Variants in COMMD1 observed in about 807,000 individuals in gnomAD.
COMMD1 encodes COMM domain-containing protein 1.
In COMMD1, 10 loss-of-function variants were observed where a neutral mutation model predicts 17.2. The ratio of observed to expected loss-of-function variants is 0.58; its 90% CI spans 0.36 to 0.99. COMMD1 has a LOEUF of 0.99. COMMD1 is among the 50% of genes least tolerant of loss of function. COMMD1 has a pLI of 0.01. For synonymous variants in COMMD1, 97 were observed against 91.6 expected (o/e 1.06, Z -0.34); for missense variants, 270 against 231.8 (o/e 1.17, Z -1.07).
chr2:62,043,608 CCTAA>C (rs1670298181), intron 2 of COMMD1, among the ~76,000 whole-genome samples: 1 of 152,126 alleles, frequency 6.6e-6, no homozygotes, highest in Admixed American at 6.5e-5. Flanking sequence ...TAAGGATTTG[CCTAA>C]CTGATTCTCT....
intron 2 of COMMD1, among the ~76,000 whole-genome samples, chr2:62,032,698 T>C (rs1306597494): frequency 6.6e-6 from 1 of 152,162 alleles, no homozygotes; most frequent in African/African-American, 2.4e-5. Flanking sequence ...TGCTGCTCTT[T>C]TTCTGTTGGT....
At chr2:61,893,631 T>A (rs1669486660) in intron 1 of COMMD1, among the ~76,000 whole-genome samples, 1 of 152,060 alleles carries the variant, frequency 6.6e-6, no homozygotes, top group Non-Finnish European at 1.5e-5. Flanking sequence ...CTGGCCAACG[T>A]GGTGAAACCC....
At chr2:61,988,539 A>G (rs780773151) in intron 1 of COMMD1, among the ~76,000 whole-genome samples, 1 of 152,118 alleles carries the variant, frequency 6.6e-6, no homozygotes, top group Non-Finnish European at 1.5e-5. Context: ...TCCAAGTTGC[A>G]TAACAAAGTC....
chr2:62,038,539 CATTT>C (rs200206799), intron 2 of COMMD1, among the ~76,000 whole-genome samples: 5 of 150,698 alleles, frequency 3.3e-5, no homozygotes, highest in African/African-American at 4.9e-5. Context: ...TATTTTTTAT[CATTT>C]ATTTATTTAT....
intron 2 of COMMD1, among the ~76,000 whole-genome samples, chr2:62,042,657 C>T (rs1006393642): frequency 4.6e-5 from 7 of 152,214 alleles, no homozygotes; most frequent in Non-Finnish European, 7.4e-5. Context: ...CAGCCAGCCC[C>T]GGCGACGGGC....
intron 1 of COMMD1, among the ~76,000 whole-genome samples, chr2:61,983,654 A>G (rs116260303): frequency 1.6e-4 from 24 of 152,216 alleles, no homozygotes; most frequent in East Asian, 1.5e-3. Context: ...GGTAGCCTCT[A>G]ATCCTTCAGT....
chr2:61,904,590 G>A (rs751707920), upstream of COMMD1, among the ~76,000 whole-genome samples: 3 of 152,144 alleles, frequency 2.0e-5, no homozygotes, highest in East Asian at 3.8e-4. Context: ...TACTTTGTAT[G>A]TCTTTTAGTC....
intron 2 of COMMD1, among the ~76,000 whole-genome samples, chr2:62,056,510 T>C (rs988958523): frequency 6.6e-6 from 1 of 152,228 alleles, no homozygotes; most frequent in Non-Finnish European, 1.5e-5. Context: ...GAACTCAATC[T>C]GTCACTTCAG....
intron 1 of COMMD1, among the ~76,000 whole-genome samples, chr2:61,998,277 G>A (rs1193523441): frequency 2.8e-5 from 4 of 144,330 alleles, no homozygotes; most frequent in African/African-American, 1.0e-4. Context: ...GTTTGAGAGA[G>A]AGTCTCACTC....
chr2:62,008,132 G>A (rs536410657), intron 2 of COMMD1, among the ~76,000 whole-genome samples: 5 of 152,228 alleles, frequency 3.3e-5, no homozygotes, highest in East Asian at 3.9e-4. Context: ...CTGTGATTGC[G>A]CCACTACCCT....
At chr2:62,110,253 T>A (rs1313882990) in intron 2 of COMMD1, among the ~76,000 whole-genome samples, 1 of 152,024 alleles carries the variant, frequency 6.6e-6, no homozygotes, top group Non-Finnish European at 1.5e-5. Context: ...ATTTTTTTTA[T>A]AGGAATGGTG....
chr2:61,917,225 C>T (rs1029244803), intron 1 of COMMD1, among the ~76,000 whole-genome samples: 5 of 151,926 alleles, frequency 3.3e-5, no homozygotes, highest in Admixed American at 6.6e-5. Flanking sequence ...GGTATGGTAG[C>T]GTGCACCTGT....
intron 1 of COMMD1, among the ~76,000 whole-genome samples, chr2:61,988,190 A>T (rs556295533): frequency 3.9e-5 from 6 of 152,128 alleles, no homozygotes; most frequent in African/African-American, 1.4e-4. Context: ...TGGAAGATAA[A>T]GTCCCCTTTA....
At chr2:62,077,002 A>C (rs1671354964) in intron 2 of COMMD1, among the ~76,000 whole-genome samples, 2 of 152,080 alleles carry the variant, frequency 1.3e-5, no homozygotes, top group Non-Finnish European at 2.9e-5. Flanking sequence ...ATCGTGGCTC[A>C]TGCCTGTGGC....
chr2:62,067,596 G>A lies in COMMD1; in HGVS notation c.462+66614G>A, dbSNP rs377608319. On this transcript the variant is annotated intron_variant, in intron 2 of 2. Coordinates refer to ENST00000311832, the MANE Select transcript of COMMD1 (RefSeq NM_152516.4). ...TCAAAAATGAAGACACAGAGACCCA[G>A]GGAAAACTATTTTTTATGCCTAGTT... Among the ~76,000 whole-genome samples, 14 of 152,262 alleles carry A rather than the reference G, an allele frequency of 9.2e-5. 1 individual carries two copies. Among genetic ancestry groups the A allele is most frequent in the East Asian group, 7.7e-4 (4 of 5,184 alleles).
rs1670190283 is a variant in COMMD1 at position 61,921,305 on chromosome 2, A to G, written c.180+15447A>G. Among the ~76,000 whole-genome samples the G allele has an allele frequency of 2.6e-5, 4 of 152,166 alleles. No homozygotes were observed. The South Asian group carries it at 6.2e-4, about 24-fold the overall frequency. On this transcript the variant is annotated intron_variant, in intron 1 of 2. Coordinates refer to ENST00000311832, the MANE Select transcript of COMMD1 (RefSeq NM_152516.4). ...ATTTTTTATCTTCAATCATAATACA[A>G]TAGAAGTAAACATTTGTAACCATTT...
At chr2:62,102,405 C>T (rs1404106240) in intron 2 of COMMD1, among the ~76,000 whole-genome samples, 1 of 152,216 alleles carries the variant, frequency 6.6e-6, no homozygotes, top group Non-Finnish European at 1.5e-5. Flanking sequence ...ACTTAATACG[C>T]ACTCAAATAC....
At chr2:62,077,626 T>C (rs1438596628) in intron 2 of COMMD1, among the ~76,000 whole-genome samples, 3 of 151,840 alleles carry the variant, frequency 2.0e-5, no homozygotes, top group Admixed American at 6.6e-5. Context: ...AGGGACCTAA[T>C]CTTTGTAACA....
chr2:62,066,609 G>A (rs1364288241), intron 2 of COMMD1, among the ~76,000 whole-genome samples: 1 of 151,798 alleles, frequency 6.6e-6, no homozygotes, highest in Non-Finnish European at 1.5e-5. Flanking sequence ...CACCATGTTA[G>A]CCAGGATGGT....
Sources: gnomAD v4.1 joint callset for allele counts (sites outside exome capture counted in the v4.1 genomes callset) on GRCh38, gnomAD v4.1.1 for gene constraint, MANE v1.5 for transcripts, NCBI Gene and HGNC (gene_info 2026-07-23, HGNC 2026-07-21) for gene names.